UBE2W: variants seen among roughly 807,000 people sequenced by gnomAD.
UBE2W encodes the protein ubiquitin conjugating enzyme E2 W.
In UBE2W, 18 loss-of-function variants were observed where a neutral mutation model predicts 27.2. The observed-to-expected ratio is 0.66, with a 90% CI of 0.46 to 0.98. The LOEUF (loss-of-function observed/expected upper bound fraction) is 0.98, where lower values mean the gene tolerates loss of function less well. Ranked by LOEUF, UBE2W falls within the 50% of genes least tolerant of loss-of-function variation. The probability of loss-of-function intolerance (pLI) is 0.00; values close to 1 mark genes in which losing one functional copy is unlikely to be tolerated. For missense variants in UBE2W, 90 were observed against 180.2 expected, an observed-to-expected ratio of 0.50 and a Z score of 2.87; for synonymous variants, 53 against 57.2, an observed-to-expected ratio of 0.93 and a Z score of 0.33.
chr8:73,877,806 T>C (rs530528044), intron 1 of UBE2W, among the ~76,000 whole-genome samples: 1 of 152,256 alleles, frequency 6.6e-6, no homozygotes, highest in South Asian at 2.1e-4. Flanking sequence ...ACTCAATCCC[T>C]GCACAACTAC....
intron 5 of UBE2W, among the ~76,000 whole-genome samples, chr8:73,800,038 T>A (rs1306156279): frequency 1.3e-5 from 2 of 152,224 alleles, no homozygotes; most frequent in African/African-American, 4.8e-5. Context: ...TTTGTAAGAT[T>A]ACCCAAATTT....
chr8:73,856,428 G>A (rs889452639), intron 1 of UBE2W, among the ~76,000 whole-genome samples: 38 of 128,084 alleles, frequency 3.0e-4, no homozygotes, highest in African/African-American at 9.3e-4. Flanking sequence ...GCAGTAGCAC[G>A]ATCTTGGCTC....
rs1554579998 is a variant in UBE2W at position 73,805,472 on chromosome 8, C to CAAAACAAAAAAACAAAACAAAAAAAA, written c.442+178_442+179insTTTTTTTTGTTTTGTTTTTTTGTTTT. Among the ~76,000 whole-genome samples, 3 of 43,676 alleles carry CAAAACAAAAAAACAAAACAAAAAAAA rather than the reference C, an allele frequency of 6.9e-5. 1 individual carries two copies. The highest frequency in any genetic ancestry group is 1.5e-4 in the Non-Finnish European group (3 of 20,124). 28.7% of individuals were successfully genotyped at this position (43,676 alleles called of 152,430 possible). On this transcript the variant is annotated intron_variant, in intron 5 of 5. Coordinates refer to ENST00000602593, the MANE Select transcript of UBE2W (RefSeq NM_018299.6). ...TCCATCTCAAAAAAAAAAAAAAAAACAAAAAAAACTAGGGTAATTCATCCA... is the reference window on the plus strand; with the variant it reads ...TCCATCTCAAAAAAAAAAAAAAAAACAAAACAAAAAAACAAAACAAAAAAAAAAAAAAAACTAGGGTAATTCATCCA...
intron 4 of UBE2W, among the ~76,000 whole-genome samples, chr8:73,781,095 C>A (rs1807832212): frequency 6.6e-6 from 1 of 151,284 alleles, no homozygotes; most frequent in Non-Finnish European, 1.5e-5. Context: ...CATGGTGAAA[C>A]CCTGTCTCTA....
At position 73,788,281 on chromosome 8, in the gene UBE2W, T is replaced by C. The variant is rs1454228099; in HGVS notation, c.*5821A>G. The C allele has an allele frequency of 1.6e-5, 16 of 976,752 alleles. No individual in the cohort carries two copies. The highest frequency in any genetic ancestry group is 1.9e-5 in the Non-Finnish European group (16 of 822,128). 60.5% of individuals were successfully genotyped at this position (976,752 alleles called of 1,614,324 possible). A position where few individuals can be genotyped will look rare whatever the true frequency, so the allele number is the denominator to read the frequency against. Reference sequence around the variant, plus strand: ...TATTCTATTTAAAAAGTAGTGACTTTACATATTTTGCAACTTGAGTTTATA... The same window carrying C: ...TATTCTATTTAAAAAGTAGTGACTTCACATATTTTGCAACTTGAGTTTATA... On this transcript the variant is annotated 3_prime_UTR_variant, in exon 6 of 6. Transcript: ENST00000602593.
intron 1 of UBE2W, among the ~76,000 whole-genome samples, chr8:73,867,482 C>T (rs905005562): frequency 6.6e-6 from 1 of 151,970 alleles, no homozygotes; most frequent in Non-Finnish European, 1.5e-5. Flanking sequence ...TTGCAGTGAG[C>T]CGAGATCACG....
rs1283644167 is a variant in UBE2W at position 73,793,811 on chromosome 8, G to A, written c.*291C>T. 4.7e-5 allele frequency: 53 copies of A among 1,132,952 alleles called. No individual in the cohort carries two copies. The highest frequency in any genetic ancestry group is 5.7e-5 in the Non-Finnish European group (53 of 923,160). 70.2% of individuals were successfully genotyped at this position (1,132,952 alleles called of 1,614,324 possible). ...GTTATTGCACAATACATGAGGACCT[G>A]GAGCTTTTCCAAAAGCTTAAAAAAA... is the stretch of plus-strand genomic sequence containing the variant. On this transcript the variant is annotated 3_prime_UTR_variant, in exon 6 of 6. Transcript: ENST00000602593.
chr8:73,796,599 C>G, intron 5 of UBE2W: 2 of 967,236 alleles, frequency 2.1e-6, no homozygotes, highest in Non-Finnish European at 2.5e-6. Context: ...TGATATGATA[C>G]TACCCACCTT....
chr8:73,786,483 G>A lies in UBE2W; in HGVS notation c.*7619C>T, dbSNP rs1283377115. The A allele has an allele frequency of 1.0e-6, 1 of 985,238 alleles. No individual in the cohort carries two copies. Among genetic ancestry groups the A allele is most frequent in the Non-Finnish European group, 1.2e-6 (1 of 829,876 alleles). The allele number at this position is 985,238 out of a possible 1,614,324, so 61.0% of individuals were successfully genotyped here. A position where few individuals can be genotyped will look rare whatever the true frequency, so the allele number is the denominator to read the frequency against. On this transcript the variant is annotated 3_prime_UTR_variant, in exon 6 of 6. Transcript: ENST00000602593. ...ACGTGCTGGGGACACAAACACAATT[G>A]CAACACTGTCCCTACTGTTAAAAAG... is the stretch of plus-strand genomic sequence containing the variant.
intron 4 of UBE2W, among the ~76,000 whole-genome samples, chr8:73,807,794 T>G (rs1023082522): frequency 5.3e-5 from 8 of 152,196 alleles, no homozygotes; most frequent in Non-Finnish European, 1.0e-4. Context: ...CTCAATTCTA[T>G]TTGCTTAAAT....
chr8:73,799,280 A>G (rs538332589), intron 5 of UBE2W, among the ~76,000 whole-genome samples: 38 of 152,186 alleles, frequency 2.5e-4, no homozygotes, highest in East Asian at 1.4e-3. Flanking sequence ...AGCAAAGACA[A>G]TAACAGTGGG....
intron 1 of UBE2W, among the ~76,000 whole-genome samples, chr8:73,857,859 T>C (rs1042494485): frequency 1.3e-5 from 2 of 152,038 alleles, no homozygotes; most frequent in African/African-American, 4.8e-5. Context: ...AAAAACCTTT[T>C]GCTTCAAAGT....
intron 4 of UBE2W, among the ~76,000 whole-genome samples, chr8:73,809,360 A>G (rs1361216912): frequency 6.6e-6 from 1 of 152,210 alleles, no homozygotes; most frequent in African/African-American, 2.4e-5. Flanking sequence ...AGAAAACTGT[A>G]AAACACAAAT....
chr8:73,866,062 G>A (rs1225018327), intron 1 of UBE2W, among the ~76,000 whole-genome samples: 1 of 151,868 alleles, frequency 6.6e-6, no homozygotes, highest in African/African-American at 2.4e-5. Flanking sequence ...TGGATCATGA[G>A]GTCAAGAGAT....
chr8:73,816,406 G>A (rs1411396289), intron 3 of UBE2W, among the ~76,000 whole-genome samples: 4 of 152,150 alleles, frequency 2.6e-5, no homozygotes, highest in Non-Finnish European at 5.9e-5. Flanking sequence ...ACCCATGAAA[G>A]AGGATGGAAA....
At chr8:73,814,527 C>CT (rs917337419) in intron 3 of UBE2W, among the ~76,000 whole-genome samples, 25 of 151,196 alleles carry the variant, frequency 1.7e-4, no homozygotes, top group Middle Eastern at 3.4e-3. Context: ...TAGAAACAGT[C>CT]TTTTTTTTTG....
intron 5 of UBE2W, among the ~76,000 whole-genome samples, chr8:73,803,845 T>C (rs1047021860): frequency 1.3e-5 from 2 of 151,494 alleles, no homozygotes; most frequent in Admixed American, 1.3e-4. Context: ...CCGCTCACTA[T>C]GAGCTCCGCC....
At chr8:73,836,971 G>A (rs1414709953) in intron 1 of UBE2W, among the ~76,000 whole-genome samples, 1 of 152,212 alleles carries the variant, frequency 6.6e-6, no homozygotes, top group Non-Finnish European at 1.5e-5. Flanking sequence ...GAGGACATGA[G>A]AAATTAGGTT....
At position 73,803,088 on chromosome 8, in the gene UBE2W, G is replaced by A. The variant is rs186624376; in HGVS notation, c.442+2563C>T. ...AAAAATCAGCTGGGCATGGTGGCGCGCCTGTAATCCCAGCTACTAGGGAGG... is the reference window on the plus strand; with the variant it reads ...AAAAATCAGCTGGGCATGGTGGCGCACCTGTAATCCCAGCTACTAGGGAGG... On this transcript the variant is annotated intron_variant, in intron 5 of 5. Transcript: ENST00000602593. 2.8e-3 allele frequency among the ~76,000 whole-genome samples: 422 copies of A among 151,878 alleles called. 2 individuals are homozygous for A. Among genetic ancestry groups the A allele is most frequent in the South Asian group, 7.9e-3 (38 of 4,792 alleles).
Sources: gnomAD v4.1 joint callset for allele counts (sites outside exome capture counted in the v4.1 genomes callset) on GRCh38, gnomAD v4.1.1 for gene constraint, MANE v1.5 for transcripts, NCBI Gene and HGNC (gene_info 2026-07-23, HGNC 2026-07-21) for gene names.